GSK3B: variants seen among roughly 807,000 people sequenced by gnomAD.
The protein encoded by GSK3B is glycogen synthase kinase-3 beta.
In GSK3B, 15 loss-of-function variants were observed where a neutral mutation model predicts 56.4. The observed-to-expected ratio is 0.27, with a 90% CI of 0.18 to 0.41. GSK3B has a LOEUF of 0.41. GSK3B is among the 10% of genes least tolerant of loss of function. GSK3B has a pLI of 1.00. For synonymous variants in GSK3B, 181 were observed against 188.9 expected (o/e 0.96, Z 0.34); for missense variants, 300 against 513.4 (o/e 0.58, Z 4.02).
intron 1 of GSK3B, among the ~76,000 whole-genome samples, chr3:120,085,624 ACCCC>A (rs959576580): frequency 1.2e-4 from 19 of 152,126 alleles, no homozygotes; most frequent in African/African-American, 3.6e-4. Context: ...ACATGGTGAA[ACCCC>A]ATCTCTACTA....
chr3:120,019,865 C>T (rs2057857879), intron 1 of GSK3B, among the ~76,000 whole-genome samples: 1 of 152,170 alleles, frequency 6.6e-6, no homozygotes, highest in Non-Finnish European at 1.5e-5. Context: ...ATATTATTTT[C>T]TATTATGTGT....
chr3:119,985,437 T>C (rs1311176346), intron 2 of GSK3B, among the ~76,000 whole-genome samples: 2 of 152,030 alleles, frequency 1.3e-5, no homozygotes, highest in Non-Finnish European at 2.9e-5. Context: ...TTTGGAAAAC[T>C]CCACCGTCTC....
At chr3:120,085,871 A>G (rs532993706) in intron 1 of GSK3B, among the ~76,000 whole-genome samples, 160 of 152,208 alleles carry the variant, frequency 1.1e-3, no homozygotes, top group Non-Finnish European at 2.1e-3. Context: ...TTGCATTTAA[A>G]TAAGATACCT....
intron 2 of GSK3B, among the ~76,000 whole-genome samples, chr3:119,961,462 T>C (rs775966140): frequency 1.3e-5 from 2 of 151,966 alleles, no homozygotes; most frequent in African/African-American, 4.8e-5. Flanking sequence ...ACTCCGTCTC[T>C]ACTAAAAATA....
chr3:120,074,576 A>G (rs1439679546), intron 1 of GSK3B, among the ~76,000 whole-genome samples: 1 of 151,986 alleles, frequency 6.6e-6, no homozygotes, highest in East Asian at 1.9e-4. Flanking sequence ...TCAGCCTCCC[A>G]AAGTGCTGGG....
chr3:120,046,369 C>T (rs1439570018), intron 1 of GSK3B, among the ~76,000 whole-genome samples: 1 of 152,028 alleles, frequency 6.6e-6, no homozygotes, highest in Non-Finnish European at 1.5e-5. Context: ...GAAAAATGTA[C>T]CACACCAATG....
intron 2 of GSK3B, among the ~76,000 whole-genome samples, chr3:119,969,813 A>C (rs2057349741): frequency 6.6e-6 from 1 of 152,226 alleles, no homozygotes; most frequent in African/African-American, 2.4e-5. Context: ...CCACAATTTC[A>C]GTTAACCACA....
rs553238248 is a variant in GSK3B at position 120,050,251 on chromosome 3, C to T, written c.88+43096G>A. Among the ~76,000 whole-genome samples the T allele has an allele frequency of 2.6e-5, 4 of 152,300 alleles. No individual in the cohort carries two copies. The South Asian group carries it at 8.3e-4, about 32-fold the overall frequency. ...CAAAGCCATTCATGAGGGATCCACC[C>T]CCCATGAAACAAAACATCTCCCACC... On this transcript the variant is annotated intron_variant, in intron 1 of 10. Coordinates refer to ENST00000264235, the MANE Select transcript of GSK3B (RefSeq NM_001146156.2).
intron 9 of GSK3B, among the ~76,000 whole-genome samples, chr3:119,858,524 C>T (rs1158739773): frequency 1.3e-5 from 2 of 152,228 alleles, no homozygotes; most frequent in Admixed American, 6.5e-5. Flanking sequence ...CCTTACAGAA[C>T]TGAGTGACAT....
At chr3:119,906,120 A>G (rs2056679843) in intron 6 of GSK3B, among the ~76,000 whole-genome samples, 1 of 152,156 alleles carries the variant, frequency 6.6e-6, no homozygotes, top group Non-Finnish European at 1.5e-5. Flanking sequence ...CAAGTCTTCA[A>G]ATAACTAGAC....
At chr3:119,866,871 C>T (rs533933040) in intron 8 of GSK3B, among the ~76,000 whole-genome samples, 1 of 152,186 alleles carries the variant, frequency 6.6e-6, no homozygotes, top group East Asian at 1.9e-4. Flanking sequence ...TGGTGAGGCA[C>T]AGTAAAGAAA....
rs547482560 is a variant in GSK3B at position 119,951,787 on chromosome 3, T to C, written c.283-4436A>G. On this transcript the variant is annotated intron_variant, in intron 2 of 10. Coordinates refer to ENST00000264235, the MANE Select transcript of GSK3B (RefSeq NM_001146156.2). ...TAATTTATAATTAAGTTCAAAAAAT[T>C]AAGGGAAACCATATTTTAAAAATTA... 5.9e-5 allele frequency among the ~76,000 whole-genome samples: 9 copies of C among 151,996 alleles called. No individual in the cohort carries two copies. The South Asian group carries it at 1.9e-3, about 32-fold the overall frequency.
rs2058200325 is a variant in GSK3B at position 120,057,429 on chromosome 3, A to G, written c.88+35918T>C. Among the ~76,000 whole-genome samples, 3 of 152,176 alleles carry G rather than the reference A, an allele frequency of 2.0e-5. No homozygotes were observed. In the South Asian group the frequency reaches 6.2e-4, roughly 32 times the overall value. On this transcript the variant is annotated intron_variant, in intron 1 of 10. Coordinates refer to ENST00000264235, the MANE Select transcript of GSK3B (RefSeq NM_001146156.2). ...ATCCTAATCAGATAAGAACATAGGT[A>G]AAGTTCTGCTACGAAAATATTCACC...
intron 6 of GSK3B, among the ~76,000 whole-genome samples, chr3:119,909,318 T>C (rs951251793): frequency 6.6e-6 from 1 of 152,196 alleles, no homozygotes; most frequent in Non-Finnish European, 1.5e-5. Flanking sequence ...GCCAGGTCTG[T>C]TTTTTGTTTG....
chr3:120,028,357 T>C (rs2057945855), intron 1 of GSK3B, among the ~76,000 whole-genome samples: 1 of 152,224 alleles, frequency 6.6e-6, no homozygotes, highest in Admixed American at 6.5e-5. Context: ...GAGACAGATT[T>C]ACCTCACGAG....
At position 120,036,594 on chromosome 3, in the gene GSK3B, A is replaced by C. The variant is rs1576287639; in HGVS notation, c.89-34355T>G. Among the ~76,000 whole-genome samples the C allele has an allele frequency of 2.0e-5, 3 of 152,138 alleles. No homozygotes were observed. In the South Asian group the frequency reaches 6.2e-4, roughly 32 times the overall value. The stretch of plus-strand genomic sequence containing the variant: ...GATCACTTGAGGTCAGGAGTTCAAG[A>C]CCAGCCGGGCCAACATGGCAAAACC... On this transcript the variant is annotated intron_variant, in intron 1 of 10. Transcript: ENST00000264235.
chr3:119,837,297 G>C (rs974110675), intron 10 of GSK3B, among the ~76,000 whole-genome samples: 7 of 151,448 alleles, frequency 4.6e-5, no homozygotes, highest in African/African-American at 1.7e-4. Flanking sequence ...TGGGACTATA[G>C]GCACCCGCTA....
At chr3:120,015,447 G>A (rs1253461814) in intron 1 of GSK3B, among the ~76,000 whole-genome samples, 3 of 151,600 alleles carry the variant, frequency 2.0e-5, no homozygotes, top group Non-Finnish European at 2.9e-5. Flanking sequence ...TCAGGAGTTC[G>A]AGACCAGCCT....
At chr3:119,936,354 AT>A (rs34550759) in intron 3 of GSK3B, among the ~76,000 whole-genome samples, 15,331 of 125,678 alleles carry the variant, frequency 0.12, 1,012 homozygotes, top group African/African-American at 0.2. Context: ...ATATATATAT[AT>A]TTTTTTTTTG....
Sources: allele counts gnomAD v4.1 joint callset (sites outside exome capture counted in the v4.1 genomes callset), GRCh38; gene constraint gnomAD v4.1.1; transcripts MANE v1.5; gene names NCBI Gene and HGNC (gene_info 2026-07-23, HGNC 2026-07-21).